CHN2: variants seen among roughly 807,000 people sequenced by gnomAD.
CHN2 encodes the protein chimerin 2.
A neutral mutation model predicts 56.3 loss-of-function variants in CHN2; 35 were observed. That is an observed-to-expected ratio of 0.62 (90% CI 0.47 to 0.82). The LOEUF (loss-of-function observed/expected upper bound fraction) is 0.82. Among genes scored for constraint, CHN2 ranks in the 40% least tolerant of loss-of-function variants. CHN2 has a pLI of 0.00. For missense variants in CHN2, 491 were observed against 580.5 expected, an observed-to-expected ratio of 0.85 and a Z score of 1.58; for synonymous variants, 210 against 212.8, an observed-to-expected ratio of 0.99 and a Z score of 0.12.
chr7:29,343,947 T>C (rs1397051854), intron 1 of CHN2, among the ~76,000 whole-genome samples: 1 of 152,242 alleles, frequency 6.6e-6, no homozygotes. Flanking sequence ...AGAGCCTTGC[T>C]GTCTGCCAGG....
intron 6 of CHN2, among the ~76,000 whole-genome samples, chr7:29,473,482 T>TGTGTGTG (rs1554299029): frequency 8.5e-6 from 1 of 118,196 alleles, no homozygotes; most frequent in African/African-American, 3.3e-5. Context: ...TTTTTTTTTT[T>TGTGTGTG]TGTGTGTGTG....
intron 6 of CHN2, among the ~76,000 whole-genome samples, chr7:29,414,100 G>A (rs541953996): frequency 2.6e-5 from 4 of 152,218 alleles, no homozygotes; most frequent in South Asian, 2.1e-4. Context: ...TTACTATATC[G>A]CAAGGTGATG....
chr7:29,412,167 A>G (rs1437298083), intron 6 of CHN2, among the ~76,000 whole-genome samples: 4 of 152,148 alleles, frequency 2.6e-5, no homozygotes, highest in South Asian at 2.1e-4. Flanking sequence ...GGAATGTAGC[A>G]TCTTGTTTAC....
chr7:29,195,629 A>AGTGTGTGTGTGTGTGT (rs70980513), intron 1 of CHN2, among the ~76,000 whole-genome samples: 8 of 117,580 alleles, frequency 6.8e-5, no homozygotes, highest in African/African-American at 2.9e-4. Context: ...AGAGAGAGAG[A>AGTGTGTGTGTGTGTGT]GTGTGTGTGT....
chr7:29,484,644 CTTAA>C (rs1787756129), intron 7 of CHN2, among the ~76,000 whole-genome samples: 1 of 152,254 alleles, frequency 6.6e-6, no homozygotes, highest in Non-Finnish European at 1.5e-5. Context: ...ATGATGTCGT[CTTAA>C]TTATATCTTC....
At chr7:29,318,767 C>T (rs1795134953) in intron 1 of CHN2, among the ~76,000 whole-genome samples, 1 of 152,142 alleles carries the variant, frequency 6.6e-6, no homozygotes, top group Non-Finnish European at 1.5e-5. Flanking sequence ...AGATTCTGCA[C>T]AGTAACAAAT....
intron 6 of CHN2, among the ~76,000 whole-genome samples, chr7:29,459,441 T>G (rs1012417670): frequency 1.3e-5 from 2 of 152,126 alleles, no homozygotes; most frequent in Non-Finnish European, 2.9e-5. Context: ...GGCTGGGCCT[T>G]CTCCCTAGTT....
At chr7:29,374,366 T>C (rs987413698) in intron 3 of CHN2, among the ~76,000 whole-genome samples, 12 of 152,134 alleles carry the variant, frequency 7.9e-5, no homozygotes, top group African/African-American at 2.9e-4. Flanking sequence ...TTTTTTTCCC[T>C]AAAGATAGAA....
intron 1 of CHN2, among the ~76,000 whole-genome samples, chr7:29,233,990 C>T (rs1179397763): frequency 2.0e-5 from 3 of 150,128 alleles, no homozygotes; most frequent in South Asian, 4.3e-4. Flanking sequence ...CCCGCCACCA[C>T]GCCCGGCTAA....
intron 6 of CHN2, among the ~76,000 whole-genome samples, chr7:29,447,371 G>A (rs942813111): frequency 6.6e-6 from 1 of 152,160 alleles, no homozygotes; most frequent in Non-Finnish European, 1.5e-5. Flanking sequence ...GAAAAGATTA[G>A]AGAGATTAAA....
chr7:29,376,276 TA>T (rs1243574074), intron 3 of CHN2: 6 of 152,238 alleles, frequency 3.9e-5, no homozygotes, highest in Admixed American at 2.6e-4. Context: ...TTCAGAGTTT[TA>T]TGGATGCTAC....
chr7:29,445,979 G>A (rs1392427091), intron 6 of CHN2, among the ~76,000 whole-genome samples: 4 of 151,888 alleles, frequency 2.6e-5, no homozygotes, highest in East Asian at 1.9e-4. Flanking sequence ...CTTGAAAGGC[G>A]AACATCTAGC....
At chr7:29,465,403 C>T (rs1785479731) in intron 6 of CHN2, among the ~76,000 whole-genome samples, 1 of 152,220 alleles carries the variant, frequency 6.6e-6, no homozygotes, top group South Asian at 2.1e-4. Context: ...CACATGCACA[C>T]ACCTATATAA....
chr7:29,279,183 G>T (rs1791475160), intron 1 of CHN2, among the ~76,000 whole-genome samples: 1 of 152,228 alleles, frequency 6.6e-6, no homozygotes, highest in African/African-American at 2.4e-5. Context: ...TTACAGAGTT[G>T]AAAGGGCAAC....
chr7:29,345,589 C>G (rs1797370831), intron 1 of CHN2, among the ~76,000 whole-genome samples: 1 of 152,062 alleles, frequency 6.6e-6, no homozygotes, highest in African/African-American at 2.4e-5. Flanking sequence ...GGCTAAAGGG[C>G]AAGAGGAGAG....
intron 1 of CHN2, among the ~76,000 whole-genome samples, chr7:29,266,610 C>G (rs1046667761): frequency 6.6e-6 from 1 of 152,186 alleles, no homozygotes; most frequent in Admixed American, 6.5e-5. Context: ...CCTATCATGG[C>G]AGGCATGACC....
At chr7:29,439,169 G>T (rs1280846422) in intron 6 of CHN2, among the ~76,000 whole-genome samples, 1 of 152,166 alleles carries the variant, frequency 6.6e-6, no homozygotes, top group Non-Finnish European at 1.5e-5. Flanking sequence ...TAGTTGTACA[G>T]AACTAAACAG....
chr7:29,392,100 T>C (rs1801414537), intron 3 of CHN2, among the ~76,000 whole-genome samples: 1 of 152,226 alleles, frequency 6.6e-6, no homozygotes, highest in Non-Finnish European at 1.5e-5. Flanking sequence ...CGTCCTCATA[T>C]GTAGAGAATC....
chr7:29,364,382 C>T (rs370067691), intron 2 of CHN2, among the ~76,000 whole-genome samples: 2 of 152,220 alleles, frequency 1.3e-5, no homozygotes, highest in Non-Finnish European at 2.9e-5. Flanking sequence ...TCCTTTGCCA[C>T]CTCCATTAAC....
Sources: allele counts gnomAD v4.1 joint callset (sites outside exome capture counted in the v4.1 genomes callset), GRCh38; gene constraint gnomAD v4.1.1; transcripts MANE v1.5; gene names NCBI Gene and HGNC (gene_info 2026-07-23, HGNC 2026-07-21).